ARL6IP6: variants seen among roughly 807,000 people sequenced by gnomAD.
ARL6IP6 encodes ARF like GTPase 6 interacting protein 6, also known as ADP-ribosylation factor-like protein 6-interacting protein 6.
ARL6IP6 carries 22 observed loss-of-function variants against 21.5 expected under a neutral mutation model. That is an observed-to-expected ratio of 1.02 (90% CI 0.73 to 1.46). The LOEUF (loss-of-function observed/expected upper bound fraction) is 1.46. Among genes scored for constraint, ARL6IP6 ranks in the 40% most tolerant of loss-of-function variants. ARL6IP6 has a pLI of 0.00. For missense variants in ARL6IP6, 388 were observed against 299.8 expected (o/e 1.29, Z -2.17); for synonymous variants, 164 against 125.3 (o/e 1.31, Z -2.06).
At chr2:152,725,593 A>G (rs1559224505) in intron 2 of ARL6IP6, among the ~76,000 whole-genome samples, 1 of 152,228 alleles carries the variant, frequency 6.6e-6, no homozygotes, top group Non-Finnish European at 1.5e-5. Context: ...TTTCGTCAAA[A>G]TAAGCCATGA....
intron 2 of ARL6IP6, among the ~76,000 whole-genome samples, chr2:152,722,164 T>G (rs1177371086): frequency 6.6e-6 from 1 of 152,232 alleles, no homozygotes; most frequent in African/African-American, 2.4e-5. Flanking sequence ...ATAGGTCTTT[T>G]GACATGGTCC....
intron 2 of ARL6IP6, among the ~76,000 whole-genome samples, chr2:152,732,953 G>T (rs1275353143): frequency 6.6e-6 from 1 of 151,196 alleles, no homozygotes; most frequent in Non-Finnish European, 1.5e-5. Flanking sequence ...GGAACTTGTG[G>T]ATAGGAAGGG....
At chr2:152,751,412 C>A (rs945923447) in intron 3 of ARL6IP6, among the ~76,000 whole-genome samples, 8 of 152,122 alleles carry the variant, frequency 5.3e-5, no homozygotes, top group African/African-American at 1.9e-4. Context: ...ACCATATTTA[C>A]CCTAAAGTGC....
intron 3 of ARL6IP6, among the ~76,000 whole-genome samples, chr2:152,743,135 A>T (rs922641945): frequency 6.7e-6 from 1 of 149,390 alleles, no homozygotes; most frequent in Non-Finnish European, 1.5e-5. Flanking sequence ...GTTTTCTCCT[A>T]GTACCTGTAT....
intron 2 of ARL6IP6, among the ~76,000 whole-genome samples, chr2:152,723,011 GAA>G (rs1362263605): frequency 1.3e-5 from 2 of 152,212 alleles, no homozygotes; most frequent in Non-Finnish European, 2.9e-5. Context: ...CCTATTTACA[GAA>G]TGTTTTGAAT....
chr2:152,729,334 C>CTGTGTGTG (rs10604718), intron 2 of ARL6IP6, among the ~76,000 whole-genome samples: 1,945 of 151,044 alleles, frequency 0.013, 19 homozygotes, highest in Middle Eastern at 0.034. Context: ...CAGACTTTGT[C>CTGTGTGTG]TGTGTGTGTG....
chr2:152,743,803 A>G (rs1700923818), intron 3 of ARL6IP6, among the ~76,000 whole-genome samples: 1 of 152,184 alleles, frequency 6.6e-6, no homozygotes. Flanking sequence ...GGTATATAAA[A>G]GTAAGATTTC....
chr2:152,749,336 C>CACACAT (rs1553533297), intron 3 of ARL6IP6, among the ~76,000 whole-genome samples: 2 of 149,332 alleles, frequency 1.3e-5, no homozygotes, highest in Non-Finnish European at 3.0e-5. Context: ...CACACACACA[C>CACACAT]GCACGCACGC....
chr2:152,753,980 C>T (rs80264221), intron 3 of ARL6IP6, among the ~76,000 whole-genome samples: 388 of 151,434 alleles, frequency 2.6e-3, no homozygotes, highest in African/African-American at 9.0e-3. Flanking sequence ...GGATTACAGG[C>T]GTGAGCCACC....
intron 2 of ARL6IP6, among the ~76,000 whole-genome samples, chr2:152,729,133 A>G (rs1700180951): frequency 6.6e-6 from 1 of 152,112 alleles, no homozygotes; most frequent in African/African-American, 2.4e-5. Flanking sequence ...GAACTTTGGG[A>G]GGCTGAGGCG....
At position 152,759,788 on chromosome 2, in the gene ARL6IP6, C is replaced by T. The variant is rs1417427421; in HGVS notation, c.629C>T (p.Ala210Val). 11 of 1,613,188 alleles carry T rather than the reference C, an allele frequency of 6.8e-6. No individual in the cohort carries two copies. The highest frequency in any genetic ancestry group is 6.7e-5 in the East Asian group (3 of 44,862). Reference protein sequence around the residue: ...GHSFHMGYSMAILNGIVAALT... With the variant: ...GHSFHMGYSMVILNGIVAALT... ...TCTTTCCACATGGGCTATAGCATGG[C>T]GATTTTGAATGGCATCGTAGCTGCT... The change falls in exon 4 of 4, where the codon GCG (alanine) becomes GTG (valine). Residue 210 changes from alanine (A) to valine (V), a missense_variant. Physicochemically the swap from Ala to Val is moderately conservative, Grantham distance 64 (BLOSUM62 0). Coordinates refer to ENST00000326446, the MANE Select transcript of ARL6IP6 (RefSeq NM_152522.7).
intron 1 of ARL6IP6, chr2:152,719,812 T>C (rs530348616): frequency 1.3e-5 from 5 of 386,310 alleles, no homozygotes; most frequent in African/African-American, 4.4e-5. Context: ...CCCAAAACAT[T>C]GTCACTGAAG....
At position 152,760,575 on chromosome 2, in the gene ARL6IP6, T is replaced by G. The variant is rs1701794837; in HGVS notation, c.*735T>G. 1 of 151,944 alleles carries G rather than the reference T, an allele frequency of 6.6e-6. No individual in the cohort carries two copies. Among genetic ancestry groups the G allele is most frequent in the African/African-American group, 2.4e-5 (1 of 41,404 alleles). The allele number at this position is 151,944 out of a possible 1,614,324, so 9.4% of individuals were successfully genotyped here. On this transcript the variant is annotated 3_prime_UTR_variant, in exon 4 of 4. Transcript: ENST00000326446. ...AAAGCACATTGACCTAAGTTGAAAA[T>G]TAAGTAAGTTTATTTTTAACAAAAA...
intron 3 of ARL6IP6, among the ~76,000 whole-genome samples, chr2:152,739,826 C>G (rs1411939580): frequency 6.6e-6 from 1 of 152,170 alleles, no homozygotes; most frequent in Non-Finnish European, 1.5e-5. Context: ...GGAGGCCTAA[C>G]AATCATGGCA....
chr2:152,727,787 A>T (rs1489751643), intron 2 of ARL6IP6, among the ~76,000 whole-genome samples: 1 of 152,226 alleles, frequency 6.6e-6, no homozygotes, highest in Admixed American at 6.5e-5. Flanking sequence ...AGTAGGCTAT[A>T]TACCTAGGTT....
intron 2 of ARL6IP6, among the ~76,000 whole-genome samples, chr2:152,721,442 A>G (rs976332494): frequency 2.6e-5 from 4 of 152,082 alleles, no homozygotes; most frequent in Middle Eastern, 3.2e-3. Context: ...AGAATGCTGT[A>G]GTTCACAGGT....
At chr2:152,721,469 T>C (rs929191168) in intron 2 of ARL6IP6, among the ~76,000 whole-genome samples, 1 of 152,186 alleles carries the variant, frequency 6.6e-6, no homozygotes, top group African/African-American at 2.4e-5. Context: ...TGAAAAAGGT[T>C]ATTCTATATT....
At chr2:152,730,951 C>G (rs1284541066) in intron 2 of ARL6IP6, among the ~76,000 whole-genome samples, 1 of 152,194 alleles carries the variant, frequency 6.6e-6, no homozygotes, top group Non-Finnish European at 1.5e-5. Context: ...TGCAAACATG[C>G]ATACAACCTA....
At chr2:152,745,275 A>G (rs1303140881) in intron 3 of ARL6IP6, among the ~76,000 whole-genome samples, 2 of 152,154 alleles carry the variant, frequency 1.3e-5, no homozygotes, top group Non-Finnish European at 2.9e-5. Flanking sequence ...ATAATATGCA[A>G]TTCAAGAAAA....
Sources: gnomAD v4.1 joint callset for allele counts (sites outside exome capture counted in the v4.1 genomes callset) on GRCh38, gnomAD v4.1.1 for gene constraint, MANE v1.5 for transcripts, NCBI Gene and HGNC (gene_info 2026-07-23, HGNC 2026-07-21) for gene names.